The following TACC2 variants were observed in gnomAD, a reference collection of about 807,000 sequenced individuals.
TACC2 encodes transforming acidic coiled-coil-containing protein 2.
Under a neutral mutation model 227.3 loss-of-function variants are expected in TACC2, and 137 were observed. The ratio of observed to expected loss-of-function variants is 0.60; its 90% CI spans 0.52 to 0.69. The LOEUF is 0.69. TACC2 is among the 30% of genes least tolerant of loss of function. The pLI is 0.00. For missense variants in TACC2, 3,470 were observed against 3,694.4 expected, an observed-to-expected ratio of 0.94 and a Z score of 1.57; for synonymous variants, 1,523 against 1,487.5, an observed-to-expected ratio of 1.02 and a Z score of -0.55.
At chr10:121,993,625 TTTTTG>T (rs1382869403) in intron 1 of TACC2, among the ~76,000 whole-genome samples, 1 of 152,130 alleles carries the variant, frequency 6.6e-6, no homozygotes, top group Non-Finnish European at 1.5e-5. Flanking sequence ...TGTTTTTTGT[TTTTTG>T]TTTGTTTGTT....
At chr10:122,142,219 C>G (rs1185813889) in intron 6 of TACC2, among the ~76,000 whole-genome samples, 1 of 152,212 alleles carries the variant, frequency 6.6e-6, no homozygotes, top group African/African-American at 2.4e-5. Flanking sequence ...CCCGAGGGAG[C>G]AGGCAGCATG....
intron 3 of TACC2, among the ~76,000 whole-genome samples, chr10:122,075,763 C>T (rs1444414384): frequency 1.3e-5 from 2 of 152,154 alleles, no homozygotes; most frequent in Non-Finnish European, 2.9e-5. Context: ...TCGCAGAATA[C>T]ATGAAACTGG....
intron 16 of TACC2, among the ~76,000 whole-genome samples, chr10:122,235,485 C>T (rs988958972): frequency 5.9e-5 from 9 of 152,204 alleles, no homozygotes; most frequent in African/African-American, 1.9e-4. Flanking sequence ...CCTCCCACCT[C>T]AGCCTCCCAA....
chr10:122,078,505 G>A (rs889676453), intron 3 of TACC2, among the ~76,000 whole-genome samples: 4 of 152,188 alleles, frequency 2.6e-5, no homozygotes, highest in African/African-American at 4.8e-5. Context: ...CCTTCACTGT[G>A]CTGTGTACAT....
chr10:122,081,641 T>A (rs1317584595), intron 3 of TACC2, among the ~76,000 whole-genome samples: 1 of 152,166 alleles, frequency 6.6e-6, no homozygotes, highest in Non-Finnish European at 1.5e-5. Flanking sequence ...TTATCTGTAG[T>A]AAGTTCAAAA....
intron 1 of TACC2, among the ~76,000 whole-genome samples, chr10:122,013,299 C>T (rs573342391): frequency 1.3e-5 from 2 of 152,312 alleles, no homozygotes; most frequent in African/African-American, 4.8e-5. Flanking sequence ...TTCACTCAAA[C>T]CCCACAGAGC....
At chr10:122,048,690 T>G (rs994539529) in intron 2 of TACC2, among the ~76,000 whole-genome samples, 1 of 152,052 alleles carries the variant, frequency 6.6e-6, no homozygotes, top group Admixed American at 6.6e-5. Flanking sequence ...ACAATGGCAT[T>G]GTCTGCTCCC....
At chr10:122,015,179 C>G (rs1956429851) in intron 1 of TACC2, among the ~76,000 whole-genome samples, 2 of 151,388 alleles carry the variant, frequency 1.3e-5, no homozygotes, top group South Asian at 4.2e-4. Context: ...AAGTACCTAA[C>G]AGAGCTTGGC....
intron 5 of TACC2, among the ~76,000 whole-genome samples, chr10:122,101,773 C>T (rs1486475374): frequency 4.0e-4 from 55 of 138,946 alleles, no homozygotes; most frequent in South Asian, 1.7e-3. Flanking sequence ...GGAGTTTCAC[C>T]GTGTTAGCCA....
intron 3 of TACC2, among the ~76,000 whole-genome samples, chr10:122,054,330 C>T (rs2076011638): frequency 6.6e-6 from 1 of 152,170 alleles, no homozygotes; most frequent in Non-Finnish European, 1.5e-5. Context: ...GGAGAATGAT[C>T]CTAGCCTCCT....
chr10:122,149,680 C>T (rs1370231871), intron 7 of TACC2, among the ~76,000 whole-genome samples: 1 of 152,238 alleles, frequency 6.6e-6, no homozygotes, highest in Non-Finnish European at 1.5e-5. Flanking sequence ...GGAGCCAGTT[C>T]GCCAGTCCGC....
chr10:122,151,152 G>C (rs971489443), intron 7 of TACC2, among the ~76,000 whole-genome samples: 5 of 152,204 alleles, frequency 3.3e-5, no homozygotes, highest in African/African-American at 1.2e-4. Context: ...TGGGGAAAAG[G>C]AGGCAGACAG....
chr10:122,034,902 TG>T (rs914611606), intron 2 of TACC2, among the ~76,000 whole-genome samples: 16 of 143,196 alleles, frequency 1.1e-4, no homozygotes, highest in Admixed American at 2.9e-4. Context: ...CATTCCAGCC[TG>T]GGCGATAGAG....
In TACC2 at chr10:122,083,078, G is replaced by T. The variant is rs2079716618; in HGVS notation, c.578G>T (p.Gly193Val). ...GQKSSFSFSS[G>V]IDQSPGMSPV... ...AAGTCCTCCTTCTCCTTCTCCAGTGGCATCGACCAGTCACCTGGAATGTCG... is the reference window on the plus strand; with the variant it reads ...AAGTCCTCCTTCTCCTTCTCCAGTGTCATCGACCAGTCACCTGGAATGTCG... Residue 193 changes from glycine (G) to valine (V), a missense_variant, in exon 4 of 23, where the codon GGC becomes GTC. By Grantham distance (109) the Gly-to-Val change is moderately radical (BLOSUM62 -3). Around this residue, in one of 10 missense-constraint regions of TACC2, gnomAD observed 405 missense variants for 389.6 expected, o/e 1.04. Transcript: ENST00000369005. The T allele has an allele frequency of 1.9e-6, 3 of 1,612,700 alleles. No homozygotes were observed. Among genetic ancestry groups the T allele is most frequent in the South Asian group, 2.2e-5 (2 of 91,080 alleles).
chr10:122,002,425 T>G (rs1954505861), intron 1 of TACC2, among the ~76,000 whole-genome samples: 1 of 149,006 alleles, frequency 6.7e-6, no homozygotes, highest in Non-Finnish European at 1.5e-5. Context: ...GATATTGCTT[T>G]GTAGTTTTTG....
intron 6 of TACC2, among the ~76,000 whole-genome samples, chr10:122,137,304 T>C (rs1163493754): frequency 2.7e-5 from 4 of 149,216 alleles, no homozygotes. Context: ...AAAAGCAGAA[T>C]GAGCCTGGGT....
Position 122,084,222 on chromosome 10 carries a change from C to A in TACC2, c.1722C>A (p.Asp574Glu). The change falls in exon 4 of 23, where the codon GAC (aspartate) becomes GAA (glutamate). Residue 574 changes from aspartate (D) to glutamate (E), a missense_variant. Transcript: ENST00000369005. ...VAKEGSRSPGDSPGGKEEAPE... is the reference protein window; with the variant it reads ...VAKEGSRSPGESPGGKEEAPE... ...AAGAAGGAAGCAGATCACCTGGTGA[C>A]AGCCCTGGAGGAAAGGAGGAAGCCC... 1 of 1,614,078 alleles carries A rather than the reference C, an allele frequency of 6.2e-7. No homozygotes were observed. The highest frequency in any genetic ancestry group is 1.3e-5 in the African/African-American group (1 of 75,050).
At position 121,996,057 on chromosome 10, in the gene TACC2, G is replaced by C. The variant is rs1480882893; in HGVS notation, c.-46+6569G>C. 2.6e-5 allele frequency among the ~76,000 whole-genome samples: 4 copies of C among 151,844 alleles called. No homozygotes were observed. The East Asian group carries it at 7.8e-4, about 29-fold the overall frequency. On this transcript the variant is annotated intron_variant, in intron 1 of 22. Coordinates refer to ENST00000369005, the MANE Select transcript of TACC2 (RefSeq NM_206862.4). ...ATGAGCCACTGCACCTGGCTGCCGGGCCCTTTTCATTTATATTTTTTATTT... is the reference window on the plus strand; with the variant it reads ...ATGAGCCACTGCACCTGGCTGCCGGCCCCTTTTCATTTATATTTTTTATTT...
intron 14 of TACC2, among the ~76,000 whole-genome samples, chr10:122,228,625 C>T (rs2095673426): frequency 6.6e-6 from 1 of 152,148 alleles, no homozygotes; most frequent in East Asian, 1.9e-4. Flanking sequence ...ATTTCCTCTA[C>T]CTCCCGCCCA....
Sources: gnomAD v4.1 joint callset for allele counts (sites outside exome capture counted in the v4.1 genomes callset) on GRCh38, gnomAD v4.1.1 for gene constraint, gnomAD v4.1.1 regional missense constraint, MANE v1.5 for transcripts, NCBI Gene and HGNC (gene_info 2026-07-23, HGNC 2026-07-21) for gene names.